Variants in ATP8B1 observed in about 807,000 individuals in gnomAD.
ATP8B1 encodes the protein ATPase phospholipid transporting 8B1.
ATP8B1 carries 80 observed loss-of-function variants against 149.9 expected under a neutral mutation model. That is an observed-to-expected ratio of 0.53 (90% CI 0.45 to 0.64). The LOEUF (loss-of-function observed/expected upper bound fraction) is 0.64. Among genes scored for constraint, ATP8B1 ranks in the 30% least tolerant of loss-of-function variants. ATP8B1 has a pLI of 0.00. For missense variants in ATP8B1, 1,247 were observed against 1,552.6 expected (o/e 0.80, Z 3.31); for synonymous variants, 536 against 562.8 (o/e 0.95, Z 0.67).
intron 1 of ATP8B1, among the ~76,000 whole-genome samples, chr18:57,782,907 G>A (rs113320427): frequency 7.0e-6 from 1 of 142,984 alleles, no homozygotes; most frequent in Admixed American, 7.7e-5. Flanking sequence ...TCGCCTCCTG[G>A]GTTCAAGCAA....
chr18:57,753,104 TA>T (rs1402507148), intron 1 of ATP8B1, among the ~76,000 whole-genome samples: 4 of 152,096 alleles, frequency 2.6e-5, no homozygotes, highest in Admixed American at 2.6e-4. Flanking sequence ...GTAGAGTGCT[TA>T]AAAAACCCCG....
intron 4 of ATP8B1, among the ~76,000 whole-genome samples, chr18:57,703,771 A>G (rs1210327753): frequency 2.6e-5 from 4 of 152,114 alleles, no homozygotes; most frequent in Non-Finnish European, 5.9e-5. Flanking sequence ...ACAATTAGGA[A>G]AAAAAATTTT....
chr18:57,672,527 C>A (rs1599097985), intron 16 of ATP8B1, among the ~76,000 whole-genome samples: 1 of 152,044 alleles, frequency 6.6e-6, no homozygotes, highest in Admixed American at 6.6e-5. Context: ...ACCACCTTAA[C>A]CAAGTGATCA....
intron 18 of ATP8B1, 46 bp from the exon 19 acceptor site, chr18:57,668,586 A>C: frequency 1.6e-6 from 2 of 1,275,594 alleles, no homozygotes; most frequent in Non-Finnish European, 2.2e-6. Context: ...TAGCAAACAA[A>C]CCAAAAGTTT....
intron 15 of ATP8B1, among the ~76,000 whole-genome samples, chr18:57,682,773 T>G (rs947369244): frequency 6.6e-6 from 1 of 152,210 alleles, no homozygotes; most frequent in Non-Finnish European, 1.5e-5. Flanking sequence ...ATTAGATTCA[T>G]CCTTGGAAAA....
chr18:57,732,621 G>A (rs1444644250), intron 1 of ATP8B1, among the ~76,000 whole-genome samples: 1 of 151,948 alleles, frequency 6.6e-6, no homozygotes, highest in African/African-American at 2.4e-5. Context: ...GGAGTGCAAT[G>A]GCACGATCTC....
intron 27 of ATP8B1, among the ~76,000 whole-genome samples, chr18:57,650,123 A>G (rs1451660063): frequency 6.6e-6 from 1 of 152,248 alleles, no homozygotes; most frequent in Non-Finnish European, 1.5e-5. Context: ...GGAGATAGAT[A>G]TATGGGGCTC....
At position 57,746,225 on chromosome 18, in the gene ATP8B1, A is replaced by G. The variant is rs147605082; in HGVS notation, c.-25-14393T>C. 1.1e-3 allele frequency among the ~76,000 whole-genome samples: 169 copies of G among 152,224 alleles called. 2 individuals carry two copies. Among genetic ancestry groups the G allele is most frequent in the African/African-American group, 3.9e-3 (160 of 41,534 alleles). ...AGCTATCCACTCCCTATATCCAAAC[A>G]CTGCTGAGCAATTGCTCATATACTG... is the stretch of plus-strand genomic sequence containing the variant. On this transcript the variant is annotated intron_variant, in intron 1 of 27. Coordinates refer to ENST00000648908, the MANE Select transcript of ATP8B1 (RefSeq NM_001374385.1).
intron 1 of ATP8B1, among the ~76,000 whole-genome samples, chr18:57,779,759 G>A (rs2080341561): frequency 6.6e-6 from 1 of 152,060 alleles, no homozygotes; most frequent in Non-Finnish European, 1.5e-5. Context: ...AATTAGCTGG[G>A]CGTGGTGGCG....
chr18:57,706,934 C>T (rs1913426617), intron 2 of ATP8B1, among the ~76,000 whole-genome samples: 1 of 152,196 alleles, frequency 6.6e-6, no homozygotes, highest in East Asian at 1.9e-4. Context: ...ATCCTGCTGA[C>T]ATCTTGATGC....
intron 11 of ATP8B1, among the ~76,000 whole-genome samples, chr18:57,692,901 T>C (rs1400232081): frequency 1.3e-5 from 2 of 152,200 alleles, no homozygotes; most frequent in African/African-American, 2.4e-5. Context: ...GAATAAAAAG[T>C]CAACCATCCT....
chr18:57,761,407 C>T (rs1467068561), intron 1 of ATP8B1, among the ~76,000 whole-genome samples: 2 of 152,162 alleles, frequency 1.3e-5, no homozygotes, highest in African/African-American at 4.8e-5. Flanking sequence ...CAAGTCACAT[C>T]CTCACCTGGG....
chr18:57,698,198 C>T (rs2122915723), intron 6 of ATP8B1, among the ~76,000 whole-genome samples: 1 of 152,288 alleles, frequency 6.6e-6, no homozygotes, highest in Non-Finnish European at 1.5e-5. Flanking sequence ...TGCTGTGTTC[C>T]TTCTCAGTGA....
intron 12 of ATP8B1, 98 bp downstream of exon 12, chr18:57,691,709 G>A (rs1293373146): frequency 4.2e-6 from 6 of 1,426,430 alleles, no homozygotes; most frequent in Non-Finnish European, 5.7e-6. Flanking sequence ...TGTTCTTTGT[G>A]ACCTTTGAAA....
chr18:57,662,690 T>TA (rs547469444), intron 20 of ATP8B1, 75 bp from the exon 21 acceptor site: 34 of 1,519,934 alleles, frequency 2.2e-5, no homozygotes, highest in South Asian at 3.6e-5. Context: ...AACTTTGACT[T>TA]AAAAAAAATT....
chr18:57,653,311 G>A (rs1209285120), intron 24 of ATP8B1, among the ~76,000 whole-genome samples: 1 of 143,978 alleles, frequency 6.9e-6, no homozygotes, highest in East Asian at 2.1e-4. Context: ...TGGAGACAGG[G>A]TCTCACTTTG....
chr18:57,673,147 G>C (rs1016183736), intron 16 of ATP8B1, among the ~76,000 whole-genome samples: 6 of 151,010 alleles, frequency 4.0e-5, no homozygotes, highest in Admixed American at 2.0e-4. Context: ...CTCTAATCAT[G>C]AGGGAACATC....
At chr18:57,772,012 C>T (rs1411520657) in intron 1 of ATP8B1, among the ~76,000 whole-genome samples, 1 of 152,094 alleles carries the variant, frequency 6.6e-6, no homozygotes, top group East Asian at 1.9e-4. Flanking sequence ...TTAACTGAAC[C>T]TATACAATAC....
At chr18:57,710,278 C>T (rs951113737) in intron 2 of ATP8B1, among the ~76,000 whole-genome samples, 2 of 152,208 alleles carry the variant, frequency 1.3e-5, no homozygotes, top group Admixed American at 6.5e-5. Context: ...TATCCATGTA[C>T]ATGTACAGAG....
Sources: gnomAD v4.1 joint callset for allele counts (sites outside exome capture counted in the v4.1 genomes callset) on GRCh38, gnomAD v4.1.1 for gene constraint, MANE v1.5 for transcripts, NCBI Gene and HGNC (gene_info 2026-07-23, HGNC 2026-07-21) for gene names.